Variants in COX7A2L observed in about 807,000 individuals in gnomAD.
COX7A2L encodes cytochrome c oxidase subunit 7A2 like.
Under a neutral mutation model 14.2 loss-of-function variants are expected in COX7A2L, and 18 were observed. The ratio of observed to expected loss-of-function variants is 1.27; its 90% CI spans 0.88 to 1.88. The LOEUF is 1.88. Ranked by LOEUF, COX7A2L falls within the 40% of genes most tolerant of loss-of-function variation. COX7A2L has a pLI of 0.00. For missense variants in COX7A2L, 179 were observed against 138.8 expected (o/e 1.29, Z -1.46); for synonymous variants, 65 against 57.4 (o/e 1.13, Z -0.60).
chr2:42,367,361 T>G (rs146368866), intron 1 of COX7A2L, among the ~76,000 whole-genome samples: 1 of 152,284 alleles, frequency 6.6e-6, no homozygotes, highest in Non-Finnish European at 1.5e-5. Flanking sequence ...GGTACCAGCG[T>G]GTGTCCACTA....
At chr2:42,348,247 T>C (rs1268674734), downstream of COX7A2L, among the ~76,000 whole-genome samples, 1 of 152,198 alleles carries the variant, frequency 6.6e-6, no homozygotes, top group Admixed American at 6.6e-5. Context: ...TTAGTAATAA[T>C]TCAGTCAAGA....
intron 1 of COX7A2L, among the ~76,000 whole-genome samples, chr2:42,360,282 CA>C (rs1670981213): frequency 1.3e-5 from 2 of 152,194 alleles, no homozygotes; most frequent in Non-Finnish European, 2.9e-5. Flanking sequence ...TCACTTGACA[CA>C]CTTCATTTAA....
upstream of COX7A2L, among the ~76,000 whole-genome samples, chr2:42,365,335 A>T (rs558250197): frequency 1.3e-5 from 2 of 152,222 alleles, no homozygotes; most frequent in Non-Finnish European, 2.9e-5. Context: ...ACACACAGAA[A>T]TACAAAGTCG....
downstream of COX7A2L, among the ~76,000 whole-genome samples, chr2:42,344,551 C>G (rs1670458778): frequency 6.6e-6 from 1 of 152,146 alleles, no homozygotes; most frequent in African/African-American, 2.4e-5. Flanking sequence ...ATGAGAAAAT[C>G]TGTCTTAGAA....
chr2:42,361,103 G>A lies in COX7A2L; in HGVS notation c.59C>T (p.Ala20Val). Residue 20 changes from alanine (A) to valine (V), a missense_variant, in exon 1 of 3, where the codon GCC becomes GTC. Ala to Val is a moderately conservative substitution (Grantham distance 64, BLOSUM62 0). Transcript: ENST00000234301. ...QKLAGAWASE[A>V]YSPQGLKPVV... ...CGCCACTCGTACCTGCGGGCTATAGGCCTCCGAAGCCCATGCTCCTGCCAA... is the reference window on the plus strand; with the variant it reads ...CGCCACTCGTACCTGCGGGCTATAGACCTCCGAAGCCCATGCTCCTGCCAA... 6.2e-7 allele frequency: 1 copy of A among 1,613,750 alleles called. No individual in the cohort carries two copies. The highest frequency in any genetic ancestry group is 1.1e-5 in the South Asian group (1 of 91,000).
rs902097446 is a variant in COX7A2L, at chr2:42,338,637, G to A, written c.193-4768C>T. Among the ~76,000 whole-genome samples, 2 of 152,166 alleles carry A rather than the reference G, an allele frequency of 1.3e-5. No individual in the cohort carries two copies. Among genetic ancestry groups the A allele is most frequent in the African/African-American group, 4.8e-5 (2 of 41,450 alleles). The stretch of plus-strand genomic sequence containing the variant: ...CCCACCAAGACCGTAGAGCCTTAGT[G>A]TGATTCAACTCCATCCCCACCTGGC... On this transcript the variant is annotated intron_variant, in intron 2 of 2. Coordinates refer to the COX7A2L transcript ENST00000468711. The surrounding 1 kb of genome is among the most constrained non-coding windows in gnomAD (Gnocchi z 4.4).
At chr2:42,357,942 A>G (rs1186113445) in intron 1 of COX7A2L, among the ~76,000 whole-genome samples, 4 of 152,274 alleles carry the variant, frequency 2.6e-5, no homozygotes, top group South Asian at 2.1e-4. Context: ...CTTCTCCTCC[A>G]GACCCCCTCC....
At chr2:42,348,320 C>T (rs1458368504), downstream of COX7A2L, among the ~76,000 whole-genome samples, 3 of 152,170 alleles carry the variant, frequency 2.0e-5, no homozygotes, top group Non-Finnish European at 4.4e-5. Context: ...AATATCGCCC[C>T]TCAGGCTACT....
intron 2 of COX7A2L, among the ~76,000 whole-genome samples, chr2:42,340,315 T>C (rs1670376440): frequency 6.6e-6 from 1 of 152,128 alleles, no homozygotes; most frequent in African/African-American, 2.4e-5. Context: ...GATCCATTCT[T>C]TTCTCTCGTG....
downstream of COX7A2L, among the ~76,000 whole-genome samples, chr2:42,345,129 T>C (rs1219902559): frequency 6.6e-6 from 1 of 152,116 alleles, no homozygotes; most frequent in Non-Finnish European, 1.5e-5. Context: ...ACACCTGTAA[T>C]CCCAGCACTT....
chr2:42,343,199 G>C (rs901936077), intron 2 of COX7A2L, among the ~76,000 whole-genome samples: 1 of 152,164 alleles, frequency 6.6e-6, no homozygotes, highest in African/African-American at 2.4e-5. Flanking sequence ...CACCCGGGCA[G>C]CCTCCTCTAA....
rs970391823 is a variant in COX7A2L, at chr2:42,339,711, T to A, written c.193-5842A>T. ...ACATATACACCCACACAGCCACCCC[T>A]GGAGGAAGACCTGGGATGCTGCCAG... On this transcript the variant is annotated intron_variant, in intron 2 of 2. Transcript: ENST00000468711. This position sits in a 1 kb window ranked among gnomAD's most constrained non-coding sequence, Gnocchi z 5.4. 3.3e-5 allele frequency among the ~76,000 whole-genome samples: 5 copies of A among 152,210 alleles called. No homozygotes were observed.
Position 42,351,122 on chromosome 2 carries a change from A to T in COX7A2L, c.*97T>A. ...TTCCTATTTTTCTTGCAAAAATGTT[A>T]AGCCATCCAAGTAAAAAAAAAAATT... On this transcript the variant is annotated 3_prime_UTR_variant, in exon 3 of 3. Coordinates refer to ENST00000234301, the MANE Select transcript of COX7A2L (RefSeq NM_004718.4). 2 of 1,313,906 alleles carry T rather than the reference A, an allele frequency of 1.5e-6. No homozygotes were observed. The highest frequency in any genetic ancestry group is 2.0e-6 in the Non-Finnish European group (2 of 976,598). The allele number at this position is 1,313,906 out of a possible 1,614,324, so 81.4% of individuals were successfully genotyped here.
At chr2:42,360,066 G>C (rs1046663258) in intron 1 of COX7A2L, 14 of 152,202 alleles carry the variant, frequency 9.2e-5, no homozygotes, top group African/African-American at 3.4e-4. Context: ...GCAAGCTGCA[G>C]TGTCCCACAG....
chr2:42,339,663 C>T lies in COX7A2L; in HGVS notation c.193-5794G>A, dbSNP rs893835579. ...TAAATTTATTACTTCCAATAAAGTG[C>T]AGAATCTCAGCGCATTGTGCACACA... On this transcript the variant is annotated intron_variant, in intron 2 of 2. Coordinates refer to the COX7A2L transcript ENST00000468711. The surrounding 1 kb of genome is among the most constrained non-coding windows in gnomAD (Gnocchi z 5.4). 6.6e-6 allele frequency among the ~76,000 whole-genome samples: 1 copy of T among 152,040 alleles called. No individual in the cohort carries two copies. Among genetic ancestry groups the T allele is most frequent in the African/African-American group, 2.4e-5 (1 of 41,364 alleles).
chr2:42,348,345 G>A (rs1670537753), downstream of COX7A2L, among the ~76,000 whole-genome samples: 1 of 152,076 alleles, frequency 6.6e-6, no homozygotes, highest in Admixed American at 6.6e-5. Flanking sequence ...AACTGCAAAG[G>A]GGAAAGGGTA....
At chr2:42,361,347 C>G, upstream of COX7A2L, 4 of 572,350 alleles carry the variant, frequency 7.0e-6, no homozygotes, top group South Asian at 4.5e-5. Context: ...AGCCAGGGTT[C>G]TCAGGACCAC....
At chr2:42,368,773 G>T (rs1337434250) in intron 1 of COX7A2L, 1 of 152,184 alleles carries the variant, frequency 6.6e-6, no homozygotes, top group African/African-American at 2.4e-5. Context: ...ACTGGATGGA[G>T]TAGGATTTTG....
chr2:42,367,654 A>G (rs1318727972), intron 1 of COX7A2L, among the ~76,000 whole-genome samples: 1 of 152,270 alleles, frequency 6.6e-6, no homozygotes, highest in Non-Finnish European at 1.5e-5. Context: ...TGGAACTTCC[A>G]GCGACACGCC....
Sources: gnomAD v4.1 joint callset for allele counts (sites outside exome capture counted in the v4.1 genomes callset) on GRCh38, gnomAD v4.1.1 for gene constraint, Gnocchi (gnomAD v3.1) non-coding constraint, MANE v1.5 for transcripts, NCBI Gene and HGNC (gene_info 2026-07-23, HGNC 2026-07-21) for gene names.